Variants in ZC4H2 observed in about 807,000 individuals in gnomAD.
The protein encoded by ZC4H2 is zinc finger C4H2 domain-containing protein.
For synonymous variants in ZC4H2, 84 were observed against 66.3 expected, an observed-to-expected ratio of 1.27 and a Z score of -1.30; for missense variants, 137 against 173.9, an observed-to-expected ratio of 0.79 and a Z score of 1.19.
intron 1 of ZC4H2, among the ~76,000 whole-genome samples, chrX:64,953,510 A>G (rs759969863): frequency 8.9e-6 from 1 of 112,485 alleles, no homozygotes; most frequent in East Asian, 2.8e-4. Flanking sequence ...AAGTGGGTGA[A>G]GGATATGAAC....
intron 1 of ZC4H2, among the ~76,000 whole-genome samples, chrX:64,953,021 A>G (rs960198787): frequency 1.8e-5 from 2 of 111,764 alleles, no homozygotes; most frequent in Admixed American, 9.5e-5. Flanking sequence ...AATGCCACAT[A>G]TCTACAACTA....
intron 1 of ZC4H2, among the ~76,000 whole-genome samples, chrX:64,952,034 C>A (rs1930868543): frequency 9.0e-6 from 1 of 110,919 alleles, no homozygotes; most frequent in South Asian, 3.8e-4. Flanking sequence ...GCCAGTTTTC[C>A]CAGCACCATT....
chrX:64,992,618 G>A (rs1254958727), intron 1 of ZC4H2, among the ~76,000 whole-genome samples: 3 of 111,113 alleles, frequency 2.7e-5, no homozygotes, highest in Non-Finnish European at 3.8e-5. Context: ...TCCCTAATTC[G>A]GACTTGCCTG....
intron 1 of ZC4H2, among the ~76,000 whole-genome samples, chrX:65,018,108 A>G (rs1932809319): frequency 8.9e-6 from 1 of 112,647 alleles, no homozygotes; most frequent in African/African-American, 3.2e-5. Context: ...TCCATAAGGA[A>G]GGAACTTAAA....
intron 1 of ZC4H2, among the ~76,000 whole-genome samples, chrX:64,950,949 C>T (rs976509602): frequency 3.6e-5 from 4 of 110,344 alleles, no homozygotes; most frequent in Non-Finnish European, 7.6e-5. Flanking sequence ...AATGCCATAG[C>T]TCCCCACTCT....
chrX:64,992,514 T>C (rs1178071857), intron 1 of ZC4H2, among the ~76,000 whole-genome samples: 1 of 111,663 alleles, frequency 9.0e-6, no homozygotes, highest in Non-Finnish European at 1.9e-5. Context: ...GGGTGATCCC[T>C]CACAATAGCT....
At chrX:64,991,311 C>G (rs1195827399) in intron 1 of ZC4H2, among the ~76,000 whole-genome samples, 2 of 111,836 alleles carry the variant, frequency 1.8e-5, no homozygotes, top group Non-Finnish European at 3.8e-5. Context: ...TCACACTTAC[C>G]TCCACTAGAC....
At chrX:64,975,871 T>C (rs1931930795) in intron 1 of ZC4H2, among the ~76,000 whole-genome samples, 1 of 111,201 alleles carries the variant, frequency 9.0e-6, no homozygotes, top group Non-Finnish European at 1.9e-5. Context: ...CAACCCCCAG[T>C]TGGCAGCCCC....
At chrX:64,942,135 C>T (rs1433394666) in intron 1 of ZC4H2, among the ~76,000 whole-genome samples, 1 of 111,130 alleles carries the variant, frequency 9.0e-6, no homozygotes, top group Non-Finnish European at 1.9e-5. Context: ...GTGTTTGTGT[C>T]CAGAAATTTA....
chrX:64,967,127 C>A (rs1422658093), intron 1 of ZC4H2, among the ~76,000 whole-genome samples: 1 of 110,558 alleles, frequency 9.0e-6, no homozygotes, highest in African/African-American at 3.3e-5. Flanking sequence ...TTAAGGCAGC[C>A]AGGAGAAATG....
chrX:64,933,798 C>T (rs918381918), intron 1 of ZC4H2, among the ~76,000 whole-genome samples: 3 of 110,958 alleles, frequency 2.7e-5, no homozygotes, highest in Non-Finnish European at 5.7e-5. Context: ...ATTTAATTTT[C>T]CCCCATTTTT....
At chrX:64,997,327 C>A (rs1932436351) in intron 1 of ZC4H2, among the ~76,000 whole-genome samples, 1 of 112,026 alleles carries the variant, frequency 8.9e-6, no homozygotes, top group African/African-American at 3.2e-5. Context: ...CACTGGACCA[C>A]CCCTATGAGA....
At position 65,002,462 on chromosome X, in the gene ZC4H2, G is replaced by C. The variant is rs765983754; in HGVS notation, c.-272+32167C>G. On this transcript the variant is annotated intron_variant, in intron 1 of 4. Transcript: ENST00000337990. ...AGGTGGGGGGCGCCTCCGCCCAGCT[G>C]CCGCCCCATCCGGGAGGTGGGGGGC... is the stretch of plus-strand genomic sequence containing the variant. Among the ~76,000 whole-genome samples, 5 of 109,931 alleles carry C rather than the reference G, an allele frequency of 4.5e-5. No individual in the cohort carries two copies. The East Asian group carries it at 1.2e-3, about 26-fold the overall frequency.
rs759254819 is a variant in ZC4H2 at position 64,926,943 on chromosome X, G to A, written c.54-4955C>T. On this transcript the variant is annotated intron_variant, in intron 1 of 4. Coordinates refer to ENST00000374839, the MANE Select transcript of ZC4H2 (RefSeq NM_018684.4). ...GGACCAATCCCCTATATACACTGAG[G>A]GACAACCATATTTGTTTTCTCACTG... Among the ~76,000 whole-genome samples the A allele has an allele frequency of 2.7e-5, 3 of 110,808 alleles. No individual in the cohort carries two copies. In the South Asian group the frequency reaches 1.2e-3, roughly 43 times the overall value.
intron 1 of ZC4H2, among the ~76,000 whole-genome samples, chrX:65,007,214 A>C (rs1315271835): frequency 9.0e-6 from 1 of 111,430 alleles, no homozygotes; most frequent in East Asian, 2.8e-4. Flanking sequence ...GTTTCTGTTT[A>C]TTTATTCGTT....
intron 1 of ZC4H2, among the ~76,000 whole-genome samples, chrX:64,992,361 C>T (rs954330250): frequency 1.8e-5 from 2 of 111,423 alleles, no homozygotes; most frequent in Admixed American, 9.6e-5. Context: ...TACACGTCTG[C>T]TAAGATTGTA....
intron 1 of ZC4H2, among the ~76,000 whole-genome samples, chrX:64,994,286 G>A (rs979352729): frequency 2.7e-5 from 3 of 111,373 alleles, no homozygotes; most frequent in African/African-American, 9.8e-5. Context: ...GTCACAGAGA[G>A]GTAATGTAAC....
intron 1 of ZC4H2, among the ~76,000 whole-genome samples, chrX:64,997,966 A>G (rs1932452524): frequency 1.8e-5 from 2 of 111,898 alleles, no homozygotes; most frequent in African/African-American, 6.5e-5. Flanking sequence ...ATCAATTCAA[A>G]CTAAATTGTT....
At chrX:64,977,550 T>G (rs887136898), upstream of ZC4H2, among the ~76,000 whole-genome samples, 1 of 112,006 alleles carries the variant, frequency 8.9e-6, no homozygotes, top group Non-Finnish European at 1.9e-5. Flanking sequence ...CAAGCTGGCG[T>G]GTAATGGCAC....
Sources: allele counts gnomAD v4.1 joint callset (sites outside exome capture counted in the v4.1 genomes callset), GRCh38; gene constraint gnomAD v4.1.1; transcripts MANE v1.5; gene names NCBI Gene and HGNC (gene_info 2026-07-23, HGNC 2026-07-21).